BCAS3: variants seen among roughly 807,000 people sequenced by gnomAD.
The protein encoded by BCAS3 is BCAS3 microtubule associated cell migration factor, also known as BCAS4/BCAS3 fusion.
A neutral mutation model predicts 116.1 loss-of-function variants in BCAS3; 53 were observed. That is an observed-to-expected ratio of 0.46 (90% CI 0.37 to 0.57). The LOEUF is 0.57. BCAS3 is among the 20% of genes least tolerant of loss of function. The pLI is 0.00. For missense variants in BCAS3, 917 were observed against 1,165.4 expected (o/e 0.79, Z 3.10); for synonymous variants, 391 against 408.2 (o/e 0.96, Z 0.51).
chr17:61,060,326 G>A (rs1208770893), intron 19 of BCAS3, among the ~76,000 whole-genome samples: 1 of 150,212 alleles, frequency 6.7e-6, no homozygotes, highest in Non-Finnish European at 1.5e-5. Flanking sequence ...TAGTAGAGAC[G>A]GGGTTTCACC....
intron 13 of BCAS3, among the ~76,000 whole-genome samples, chr17:60,931,082 A>G (rs2059621410): frequency 6.6e-6 from 1 of 151,388 alleles, no homozygotes. Flanking sequence ...ATTCTTATTT[A>G]TTAGCTGTGA....
chr17:60,979,001 C>T (rs2062611708), intron 14 of BCAS3, among the ~76,000 whole-genome samples: 1 of 134,972 alleles, frequency 7.4e-6, no homozygotes, highest in African/African-American at 2.8e-5. Context: ...TTTTTGGTTC[C>T]ATATGAACTT....
intron 22 of BCAS3, among the ~76,000 whole-genome samples, chr17:61,359,119 G>A (rs2058313933): frequency 6.6e-6 from 1 of 152,058 alleles, no homozygotes; most frequent in Non-Finnish European, 1.5e-5. Context: ...CCTTACCGGT[G>A]GCATTGCCCA....
chr17:60,951,837 G>A (rs2060854788), intron 14 of BCAS3, among the ~76,000 whole-genome samples: 1 of 137,686 alleles, frequency 7.3e-6, no homozygotes, highest in Non-Finnish European at 1.5e-5. Context: ...TGGCACAATC[G>A]CGGCTCACTG....
At chr17:60,959,221 C>T (rs914323591) in intron 14 of BCAS3, among the ~76,000 whole-genome samples, 4 of 152,000 alleles carry the variant, frequency 2.6e-5, no homozygotes, top group Admixed American at 6.6e-5. Context: ...GTGGAAGGAT[C>T]GCTTGAGCCT....
rs894630247 is a variant in BCAS3, at chr17:60,960,692, T to C, written c.1221+13340T>C. The stretch of plus-strand genomic sequence containing the variant: ...GTCATTCATACATTTTATTGAAGGG[T>C]AGCACAGGTTTGCACCTAGGTAGCT... On this transcript the variant is annotated intron_variant, in intron 14 of 23. Transcript: ENST00000407086. This position sits in a 1 kb window ranked among gnomAD's most constrained non-coding sequence, Gnocchi z 4.1. 2.0e-5 allele frequency among the ~76,000 whole-genome samples: 3 copies of C among 152,046 alleles called. No homozygotes were observed. The highest frequency in any genetic ancestry group is 4.8e-5 in the African/African-American group (2 of 41,416).
intron 14 of BCAS3, among the ~76,000 whole-genome samples, chr17:60,979,809 C>T (rs960537741): frequency 2.6e-5 from 4 of 151,372 alleles, no homozygotes; most frequent in African/African-American, 4.9e-5. Flanking sequence ...TACTGATTTG[C>T]GTATGTTGAA....
intron 22 of BCAS3, among the ~76,000 whole-genome samples, chr17:61,299,359 C>T (rs961550504): frequency 7.1e-5 from 10 of 139,916 alleles, no homozygotes; most frequent in African/African-American, 2.4e-4. Flanking sequence ...AGGAGAATGG[C>T]GTGAACCTGG....
At chr17:61,057,528 CT>C (rs1396927925) in intron 19 of BCAS3, among the ~76,000 whole-genome samples, 5 of 152,238 alleles carry the variant, frequency 3.3e-5, no homozygotes, top group African/African-American at 1.2e-4. Flanking sequence ...GTGTGAAAAT[CT>C]TTTTCAACTT....
At chr17:61,165,114 A>ACTC in intron 22 of BCAS3, among the ~76,000 whole-genome samples, 1 of 152,080 alleles carries the variant, frequency 6.6e-6, no homozygotes, top group Middle Eastern at 3.4e-3. Flanking sequence ...TTCAATTCTT[A>ACTC]CTCCTTTTTT....
At chr17:61,045,929 TATAA>T (rs1383379012) in intron 19 of BCAS3, among the ~76,000 whole-genome samples, 5 of 18,924 alleles carry the variant, frequency 2.6e-4, no homozygotes, top group African/African-American at 9.0e-4. Context: ...ATATAATATA[TATAA>T]ATATATATAT....
rs899636501 is a variant in BCAS3, at chr17:61,151,795, C to G, written c.2425+67231C>G. ...TTGAATGACTGTTGTATGCCAGGTG[C>G]TCTTGGCAAGGTCTCTGGATACAGT... On this transcript the variant is annotated intron_variant, in intron 22 of 23. Transcript: ENST00000407086. This position sits in a 1 kb window ranked among gnomAD's most constrained non-coding sequence, Gnocchi z 4.8. Among the ~76,000 whole-genome samples, 2 of 152,174 alleles carry G rather than the reference C, an allele frequency of 1.3e-5. No homozygotes were observed. Among genetic ancestry groups the G allele is most frequent in the African/African-American group, 2.4e-5 (1 of 41,430 alleles).
chr17:61,328,890 CTTTT>C (rs922578027), intron 22 of BCAS3, among the ~76,000 whole-genome samples: 1 of 122,596 alleles, frequency 8.2e-6, no homozygotes, highest in Non-Finnish European at 1.7e-5. Context: ...GACGCAGGCT[CTTTT>C]TTTTTTTTTT....
chr17:60,849,966 C>G (rs563098659), intron 7 of BCAS3, among the ~76,000 whole-genome samples: 8 of 152,212 alleles, frequency 5.3e-5, no homozygotes, highest in African/African-American at 1.9e-4. Context: ...CTACATTGCC[C>G]AGGATGGTCT....
At chr17:60,944,562 A>G (rs1164737983) in intron 13 of BCAS3, among the ~76,000 whole-genome samples, 2 of 152,102 alleles carry the variant, frequency 1.3e-5, no homozygotes, top group African/African-American at 4.8e-5. Flanking sequence ...AATCATCCAA[A>G]CACATTATTA....
At chr17:61,153,857 G>T (rs2077678140) in intron 22 of BCAS3, among the ~76,000 whole-genome samples, 1 of 152,124 alleles carries the variant, frequency 6.6e-6, no homozygotes, top group African/African-American at 2.4e-5. Context: ...CCCATTTGGG[G>T]GTGAAATCTG....
At chr17:60,942,500 AT>A (rs1418867961) in intron 13 of BCAS3, among the ~76,000 whole-genome samples, 1 of 152,168 alleles carries the variant, frequency 6.6e-6, no homozygotes, top group African/African-American at 2.4e-5. Context: ...AATATAAACT[AT>A]GTCAATAACC....
At chr17:61,035,683 C>T (rs1209722861) in intron 17 of BCAS3, among the ~76,000 whole-genome samples, 1 of 151,954 alleles carries the variant, frequency 6.6e-6, no homozygotes, top group Non-Finnish European at 1.5e-5. Flanking sequence ...ACAGTAGTCT[C>T]TCCTTATCTG....
intron 4 of BCAS3, among the ~76,000 whole-genome samples, chr17:60,705,565 C>CA (rs1322922149): frequency 1.3e-5 from 2 of 149,208 alleles, no homozygotes; most frequent in East Asian, 2.0e-4. Flanking sequence ...GTAGATATGG[C>CA]AAAAAAGATG....
Sources: gnomAD v4.1 joint callset for allele counts (sites outside exome capture counted in the v4.1 genomes callset) on GRCh38, gnomAD v4.1.1 for gene constraint, Gnocchi (gnomAD v3.1) non-coding constraint, MANE v1.5 for transcripts, NCBI Gene and HGNC (gene_info 2026-07-23, HGNC 2026-07-21) for gene names.